RP1: variants seen among roughly 807,000 people sequenced by gnomAD.
RP1 encodes the protein RP1 axonemal microtubule associated.
RP1 carries 16 observed loss-of-function variants against 14.8 expected under a neutral mutation model. The observed-to-expected ratio is 1.08, with a 90% CI of 0.73 to 1.65. RP1 has a LOEUF of 1.65. Among genes scored for constraint, RP1 ranks in the 40% most tolerant of loss-of-function variants. The pLI is 0.00. For synonymous variants in RP1, 876 were observed against 883.6 expected (o/e 0.99, Z 0.15); for missense variants, 2,631 against 2,535.0 (o/e 1.04, Z -0.81).
At chr8:54,685,507 T>C (rs1409610105) in intron 12 of RP1, among the ~76,000 whole-genome samples, 2 of 152,218 alleles carry the variant, frequency 1.3e-5, no homozygotes, top group Admixed American at 1.3e-4. Context: ...GACTGCACTG[T>C]GATCTGAGAG....
intron 1 of RP1, among the ~76,000 whole-genome samples, chr8:54,618,935 G>T (rs770086059): frequency 1.3e-5 from 2 of 152,162 alleles, no homozygotes; most frequent in Non-Finnish European, 1.5e-5. Context: ...TGCTGGGATT[G>T]CACGTGTGAG....
chr8:54,707,752 G>T (rs1449450042), intron 15 of RP1, among the ~76,000 whole-genome samples: 1 of 152,178 alleles, frequency 6.6e-6, no homozygotes, highest in Non-Finnish European at 1.5e-5. Context: ...CTGCAGACTG[G>T]TGAGTTTGTG....
rs191703274 is a variant in RP1, at chr8:54,656,045, T to G, written c.1039-38T>G. ...ACTTATTTGACACTTTGATAAAGCATTCCTACATTTTTAAAAGTAATATTA... is the reference window on the plus strand; with the variant it reads ...ACTTATTTGACACTTTGATAAAGCAGTCCTACATTTTTAAAAGTAATATTA... On this transcript the variant is annotated intron_variant, in intron 5 of 22. Transcript: ENST00000636932. 323 of 1,423,854 alleles carry G rather than the reference T, an allele frequency of 2.3e-4. No individual in the cohort carries two copies. In the African/African-American group the frequency reaches 4.2e-3, roughly 19 times the overall value. 88.2% of individuals were successfully genotyped at this position (1,423,854 alleles called of 1,614,324 possible). A position where few individuals can be genotyped will look rare whatever the true frequency, so the allele number is the denominator to read the frequency against.
chr8:54,855,755 T>C (rs1812179722), intron 26 of RP1, among the ~76,000 whole-genome samples: 1 of 152,276 alleles, frequency 6.6e-6, no homozygotes, highest in East Asian at 1.9e-4. Context: ...CCAGCCTTAT[T>C]AATAATCAGA....
chr8:54,642,664 CT>C (rs1269100371), intron 3 of RP1, among the ~76,000 whole-genome samples: 1 of 151,996 alleles, frequency 6.6e-6, no homozygotes, highest in Non-Finnish European at 1.5e-5. Context: ...GATAAGGAGA[CT>C]TTTGAAGAAT....
chr8:54,738,083 C>T (rs1808980825), intron 18 of RP1, among the ~76,000 whole-genome samples: 2 of 152,140 alleles, frequency 1.3e-5, no homozygotes, highest in African/African-American at 2.4e-5. Flanking sequence ...CTGTATATTT[C>T]TCCAAGTTAG....
chr8:54,803,891 A>G (rs1478978567), intron 24 of RP1, among the ~76,000 whole-genome samples: 1 of 152,072 alleles, frequency 6.6e-6, no homozygotes, highest in African/African-American at 2.4e-5. Flanking sequence ...AACATGGTGA[A>G]ACCCCGTCTC....
At chr8:54,742,328 G>A (rs7824820) in intron 19 of RP1, among the ~76,000 whole-genome samples, 5,753 of 152,102 alleles carry the variant, frequency 0.038, 244 homozygotes, top group African/African-American at 0.095. Context: ...CTAGCAAAAT[G>A]TTTCTTTCTT....
chr8:54,783,074 T>A (rs1251276872), intron 23 of RP1, among the ~76,000 whole-genome samples: 1 of 152,140 alleles, frequency 6.6e-6, no homozygotes, highest in Non-Finnish European at 1.5e-5. Flanking sequence ...TTTTTTGCCT[T>A]GTTTTTATAT....
chr8:54,696,352 G>C (rs1358605710), intron 12 of RP1: 33 of 533,776 alleles, frequency 6.2e-5, no homozygotes, highest in Non-Finnish European at 9.5e-5. Flanking sequence ...AAGAAATGAA[G>C]GATTGGTTCA....
chr8:54,662,753 C>T (rs1005421751), intron 6 of RP1, among the ~76,000 whole-genome samples: 2 of 152,122 alleles, frequency 1.3e-5, no homozygotes, highest in Admixed American at 1.3e-4. Flanking sequence ...ATGGTAAACT[C>T]ACAGATGCTT....
intron 15 of RP1, among the ~76,000 whole-genome samples, chr8:54,718,519 A>G (rs1264849417): frequency 6.6e-6 from 1 of 152,216 alleles, no homozygotes; most frequent in Admixed American, 6.5e-5. Context: ...CCATATGCCT[A>G]CAAACGAATC....
intron 20 of RP1, among the ~76,000 whole-genome samples, chr8:54,755,366 AT>A (rs2129367190): frequency 6.6e-6 from 1 of 152,356 alleles, no homozygotes; most frequent in East Asian, 1.9e-4. Flanking sequence ...GAACAACCTT[AT>A]AAAAAATCTT....
intron 24 of RP1, among the ~76,000 whole-genome samples, chr8:54,792,313 G>A (rs1810482822): frequency 1.3e-5 from 2 of 151,996 alleles, no homozygotes; most frequent in South Asian, 2.1e-4. Flanking sequence ...CATCCAGATA[G>A]AAAACTGATG....
intron 6 of RP1, among the ~76,000 whole-genome samples, chr8:54,658,017 C>T (rs530509201): frequency 3.2e-4 from 48 of 152,312 alleles, no homozygotes; most frequent in Non-Finnish European, 5.1e-4. Context: ...ATCTTTAGAA[C>T]TTCTGCATCT....
At chr8:54,746,863 T>A (rs991041606) in intron 19 of RP1, among the ~76,000 whole-genome samples, 1 of 152,212 alleles carries the variant, frequency 6.6e-6, no homozygotes, top group South Asian at 2.1e-4. Flanking sequence ...AAAAAATAAA[T>A]GAAACATAAT....
chr8:54,750,313 A>T (rs1268226753), intron 19 of RP1, among the ~76,000 whole-genome samples: 3 of 152,224 alleles, frequency 2.0e-5, no homozygotes, highest in Non-Finnish European at 4.4e-5. Flanking sequence ...GGCAGATATT[A>T]TCATAATCCT....
intron 1 of RP1, among the ~76,000 whole-genome samples, chr8:54,570,124 G>A (rs1804489905): frequency 6.6e-6 from 1 of 152,116 alleles, no homozygotes; most frequent in Non-Finnish European, 1.5e-5. Flanking sequence ...TGTACCCTGT[G>A]TGGCAGCTGC....
upstream of RP1, among the ~76,000 whole-genome samples, chr8:54,611,505 A>T (rs1279403544): frequency 6.6e-6 from 1 of 151,956 alleles, no homozygotes; most frequent in Non-Finnish European, 1.5e-5. Flanking sequence ...TTTCATGTCC[A>T]TTTTGTACTT....
Sources: gnomAD v4.1 joint callset for allele counts (sites outside exome capture counted in the v4.1 genomes callset) on GRCh38, gnomAD v4.1.1 for gene constraint, MANE v1.5 for transcripts, NCBI Gene and HGNC (gene_info 2026-07-23, HGNC 2026-07-21) for gene names.